The following GRIN2B variants were observed in gnomAD, a reference collection of about 807,000 sequenced individuals.
GRIN2B encodes the protein glutamate receptor ionotropic, NMDA 2B.
In GRIN2B, 5 loss-of-function variants were observed where a neutral mutation model predicts 114.5. The observed-to-expected ratio is 0.04, with a 90% CI of 0.02 to 0.09. The LOEUF (loss-of-function observed/expected upper bound fraction) is 0.09, where lower values mean the gene tolerates loss of function less well. Ranked by LOEUF, GRIN2B falls within the 10% of genes least tolerant of loss-of-function variation. The pLI, the probability that GRIN2B is intolerant of heterozygous loss-of-function variation, is 1.00. For missense variants in GRIN2B, 1,108 were observed against 1,943.5 expected (o/e 0.57, Z 8.08); for synonymous variants, 787 against 745.1 (o/e 1.06, Z -0.92).
In GRIN2B at chr12:13,585,917, G is replaced by A. The variant is rs934521502; in HGVS notation, c.2011-13953C>T. 2.6e-5 allele frequency among the ~76,000 whole-genome samples: 4 copies of A among 152,294 alleles called. No individual in the cohort carries two copies. In the East Asian group the frequency reaches 7.7e-4, roughly 29 times the overall value. On this transcript the variant is annotated intron_variant, in intron 10 of 13. Coordinates refer to ENST00000609686, the MANE Select transcript of GRIN2B (RefSeq NM_000834.5). ...CCTGAACAGTCGACAGCAAGATACGGCAGACATTTCCATGTCTCAGGCTTT... is the reference window on the plus strand; with the variant it reads ...CCTGAACAGTCGACAGCAAGATACGACAGACATTTCCATGTCTCAGGCTTT...
chr12:13,650,884 G>A lies in GRIN2B; in HGVS notation c.1125+24861C>T, dbSNP rs560873616. On this transcript the variant is annotated intron_variant, in intron 5 of 13. Transcript: ENST00000609686. ...TTTTTGTTACTGAACCCTGGTGCTC[G>A]AGTAGTAGATTAGTTCCTGGTGCAT... is the stretch of plus-strand genomic sequence containing the variant. 3.3e-5 allele frequency among the ~76,000 whole-genome samples: 5 copies of A among 152,158 alleles called. No individual in the cohort carries two copies. The South Asian group carries it at 6.2e-4, about 19-fold the overall frequency.
intron 10 of GRIN2B, among the ~76,000 whole-genome samples, chr12:13,599,582 G>A (rs1207186067): frequency 6.6e-6 from 1 of 152,166 alleles, no homozygotes; most frequent in Non-Finnish European, 1.5e-5. Context: ...CCACAATTTA[G>A]TGAACTTATA....
chr12:13,686,573 G>A (rs1294513930), intron 4 of GRIN2B, among the ~76,000 whole-genome samples: 1 of 151,644 alleles, frequency 6.6e-6, no homozygotes, highest in African/African-American at 2.4e-5. Context: ...TTTTGACCAG[G>A]GCAAATCACA....
intron 5 of GRIN2B, among the ~76,000 whole-genome samples, chr12:13,665,186 TG>T: frequency 6.7e-6 from 1 of 149,456 alleles, no homozygotes; most frequent in Non-Finnish European, 1.5e-5. Context: ...TGTGTGTGTG[TG>T]TGTGATAACA....
intron 4 of GRIN2B, among the ~76,000 whole-genome samples, chr12:13,695,395 G>C (rs186056287): frequency 6.6e-6 from 1 of 152,294 alleles, no homozygotes; most frequent in East Asian, 1.9e-4. Context: ...GACTATGCTT[G>C]TTTTATAGAG....
At chr12:13,827,927 G>A (rs767211258) in intron 3 of GRIN2B, among the ~76,000 whole-genome samples, 8 of 152,264 alleles carry the variant, frequency 5.3e-5, no homozygotes, top group East Asian at 3.9e-4. Flanking sequence ...TGATCTGCCC[G>A]CCTCAGCCTC....
At chr12:13,837,259 C>T (rs2136710304) in intron 3 of GRIN2B, among the ~76,000 whole-genome samples, 1 of 152,296 alleles carries the variant, frequency 6.6e-6, no homozygotes, top group East Asian at 1.9e-4. Context: ...CTCTCTTGGC[C>T]CTATCTCCTC....
chr12:13,783,512 G>T (rs2136657425), intron 3 of GRIN2B, among the ~76,000 whole-genome samples: 1 of 151,812 alleles, frequency 6.6e-6, no homozygotes, highest in East Asian at 1.9e-4. Context: ...CAAGCAATAG[G>T]CAGAGTTAGG....
intron 9 of GRIN2B, among the ~76,000 whole-genome samples, chr12:13,609,576 A>AT (rs1225648956): frequency 6.6e-6 from 1 of 152,172 alleles, no homozygotes; most frequent in Non-Finnish European, 1.5e-5. Flanking sequence ...GATCGAGACC[A>AT]TCCTGGCTAA....
intron 3 of GRIN2B, among the ~76,000 whole-genome samples, chr12:13,781,218 G>T (rs1416977393): frequency 6.6e-6 from 1 of 152,148 alleles, no homozygotes; most frequent in Non-Finnish European, 1.5e-5. Context: ...GGTGTCAGTT[G>T]GCAAGAATCA....
At chr12:13,941,755 T>C (rs1301868899) in intron 2 of GRIN2B, among the ~76,000 whole-genome samples, 1 of 152,182 alleles carries the variant, frequency 6.6e-6, no homozygotes, top group Non-Finnish European at 1.5e-5. Flanking sequence ...AAATGAAAAG[T>C]GTCACTTCTA....
At chr12:13,664,462 C>T (rs79541809) in intron 5 of GRIN2B, among the ~76,000 whole-genome samples, 1,886 of 152,162 alleles carry the variant, frequency 0.012, 17 homozygotes, top group Non-Finnish European at 0.019. Context: ...TCAAAAAATT[C>T]GTATCATTAC....
intron 4 of GRIN2B, among the ~76,000 whole-genome samples, chr12:13,725,014 A>G (rs904343180): frequency 6.6e-6 from 1 of 152,150 alleles, no homozygotes; most frequent in Non-Finnish European, 1.5e-5. Context: ...TTCAGATGTC[A>G]GTGAAAGGCA....
At chr12:13,869,200 C>T (rs923732845) in intron 2 of GRIN2B, among the ~76,000 whole-genome samples, 4 of 151,370 alleles carry the variant, frequency 2.6e-5, no homozygotes, top group African/African-American at 7.3e-5. Context: ...AATTATTGAG[C>T]ACTTATAACC....
At chr12:13,937,578 T>C (rs1867152555) in intron 2 of GRIN2B, among the ~76,000 whole-genome samples, 2 of 151,958 alleles carry the variant, frequency 1.3e-5, no homozygotes, top group South Asian at 4.1e-4. Context: ...CATTTTAAGA[T>C]AAACAAAAGC....
At chr12:13,586,181 C>T (rs888665859) in intron 10 of GRIN2B, among the ~76,000 whole-genome samples, 8 of 152,130 alleles carry the variant, frequency 5.3e-5, no homozygotes, top group African/African-American at 1.9e-4. Context: ...TGAGCATCTG[C>T]TATGTGTCAT....
At chr12:13,941,481 C>A (rs35881014) in intron 2 of GRIN2B, among the ~76,000 whole-genome samples, 1 of 151,988 alleles carries the variant, frequency 6.6e-6, no homozygotes, top group Non-Finnish European at 1.5e-5. Flanking sequence ...AGGTGAGGAA[C>A]GGGATTGGGT....
At chr12:13,843,087 A>G (rs530791738) in intron 3 of GRIN2B, among the ~76,000 whole-genome samples, 205 of 145,282 alleles carry the variant, frequency 1.4e-3, no homozygotes, top group Non-Finnish European at 2.7e-3. Context: ...ACATGTGCAG[A>G]ATGTGTAGGC....
At chr12:13,894,916 C>A (rs912749440) in intron 2 of GRIN2B, among the ~76,000 whole-genome samples, 3 of 152,054 alleles carry the variant, frequency 2.0e-5, no homozygotes, top group Non-Finnish European at 4.4e-5. Flanking sequence ...CCAGTCTTGA[C>A]TGAAAGGAAC....
Sources: allele counts gnomAD v4.1 joint callset (sites outside exome capture counted in the v4.1 genomes callset), GRCh38; gene constraint gnomAD v4.1.1; transcripts MANE v1.5; gene names NCBI Gene and HGNC (gene_info 2026-07-23, HGNC 2026-07-21).